The following GTPBP10 variants were observed in gnomAD, a reference collection of about 807,000 sequenced individuals.
The protein encoded by GTPBP10 is GTP-binding protein 10.
GTPBP10 carries 38 observed loss-of-function variants against 44.8 expected under a neutral mutation model. The ratio of observed to expected loss-of-function variants is 0.85; its 90% CI spans 0.65 to 1.11. The LOEUF (loss-of-function observed/expected upper bound fraction) is 1.11, where lower values mean the gene tolerates loss of function less well. Ranked by LOEUF, GTPBP10 falls within the 50% of genes most tolerant of loss-of-function variation. The probability of loss-of-function intolerance (pLI) is 0.00; values close to 1 mark genes in which losing one functional copy is unlikely to be tolerated. For missense variants in GTPBP10, 462 were observed against 453.7 expected (o/e 1.02, Z -0.17); for synonymous variants, 152 against 150.6 (o/e 1.01, Z -0.07).
At chr7:90,347,582 T>C (rs1197075346) in intron 1 of GTPBP10, 6 of 494,406 alleles carry the variant, frequency 1.2e-5, no homozygotes, top group Non-Finnish European at 2.6e-6. Flanking sequence ...AAATTACTCC[T>C]TAAGTTATTT....
In GTPBP10 at chr7:90,386,802, G is replaced by A. The variant is rs896047395; in HGVS notation, c.*1648G>A. 1 of 152,136 alleles carries A rather than the reference G, an allele frequency of 6.6e-6. No individual in the cohort carries two copies. The highest frequency in any genetic ancestry group is 2.4e-5 in the African/African-American group (1 of 41,436). The allele number at this position is 152,136 out of a possible 1,614,324, so 9.4% of individuals were successfully genotyped here. ...AACTGGACATTTTCCCTTTAAATGAGTTTTATTATAAAATGTACATATTGA... is the reference window on the plus strand; with the variant it reads ...AACTGGACATTTTCCCTTTAAATGAATTTTATTATAAAATGTACATATTGA... On this transcript the variant is annotated 3_prime_UTR_variant, in exon 10 of 10. Coordinates refer to ENST00000222511, the MANE Select transcript of GTPBP10 (RefSeq NM_033107.4).
At chr7:90,349,558 T>A (rs963847339) in intron 1 of GTPBP10, among the ~76,000 whole-genome samples, 1 of 152,298 alleles carries the variant, frequency 6.6e-6, no homozygotes, top group East Asian at 1.9e-4. Context: ...GGCCTTCTTA[T>A]CCAACAAAGA....
intron 4 of GTPBP10, among the ~76,000 whole-genome samples, chr7:90,365,334 T>C (rs1170490377): frequency 6.6e-6 from 1 of 151,608 alleles, no homozygotes; most frequent in Non-Finnish European, 1.5e-5. Context: ...GCTTATCAGC[T>C]TAAGGAGATT....
At position 90,384,986 on chromosome 7, in the gene GTPBP10, C is replaced by A; in HGVS notation, c.996C>A (p.Ile332=). Residue 332 remains isoleucine (I), a synonymous_variant, in exon 10 of 10, where the codon ATC becomes ATA. Transcript: ENST00000222511. ...TATCTGCAGTTACTGGAGAAGGAATCGAAGAATTAAAGAATTGTATAAGAA... is the reference window on the plus strand; with the variant it reads ...TATCTGCAGTTACTGGAGAAGGAATAGAAGAATTAAAGAATTGTATAAGAA... The part of the protein sequence containing the change: ...IPISAVTGEG[I]EELKNCIRKS... 3.1e-6 allele frequency: 5 copies of A among 1,613,538 alleles called. No homozygotes were observed. Among genetic ancestry groups the A allele is most frequent in the Non-Finnish European group, 4.2e-6 (5 of 1,179,686 alleles).
At chr7:90,370,495 C>T (rs565871133) in intron 4 of GTPBP10, among the ~76,000 whole-genome samples, 1 of 152,068 alleles carries the variant, frequency 6.6e-6, no homozygotes, top group South Asian at 2.1e-4. Context: ...CTAAGCTGTG[C>T]GTACACAGAG....
intron 1 of GTPBP10, among the ~76,000 whole-genome samples, chr7:90,352,035 G>A (rs1795800369): frequency 1.3e-5 from 2 of 152,112 alleles, no homozygotes; most frequent in African/African-American, 4.8e-5. Flanking sequence ...GAGTAAAGGA[G>A]AAACATGATT....
intron 2 of GTPBP10, among the ~76,000 whole-genome samples, chr7:90,353,894 A>G (rs1795843510): frequency 6.6e-6 from 1 of 150,766 alleles, no homozygotes; most frequent in South Asian, 2.1e-4. Context: ...GGGCACTATC[A>G]TAGCTCACTG....
intron 4 of GTPBP10, among the ~76,000 whole-genome samples, chr7:90,366,911 C>A (rs1479840763): frequency 1.3e-5 from 2 of 152,084 alleles, no homozygotes; most frequent in Non-Finnish European, 2.9e-5. Context: ...CCTGCTTTCT[C>A]TTGTGGGCAT....
chr7:90,359,098 A>G (rs974507265), intron 4 of GTPBP10, among the ~76,000 whole-genome samples: 3 of 152,152 alleles, frequency 2.0e-5, no homozygotes, highest in East Asian at 1.9e-4. Context: ...ATACGTGCTG[A>G]CATAGATGTG....
intron 1 of GTPBP10, among the ~76,000 whole-genome samples, chr7:90,352,242 T>TCAATGA (rs1795804316): frequency 6.6e-6 from 1 of 152,186 alleles, no homozygotes; most frequent in Non-Finnish European, 1.5e-5. Flanking sequence ...TCAATGAATA[T>TCAATGA]GTAAACCATG....
At chr7:90,383,248 A>G (rs1026210713) in intron 9 of GTPBP10, among the ~76,000 whole-genome samples, 169 bp downstream of exon 9, 2 of 152,234 alleles carry the variant, frequency 1.3e-5, no homozygotes, top group African/African-American at 2.4e-5. Flanking sequence ...ACCAAATTCT[A>G]GAATGTTTGA....
At chr7:90,371,225 G>C (rs1796251851) in intron 4 of GTPBP10, 2 of 959,972 alleles carry the variant, frequency 2.1e-6, no homozygotes, top group South Asian at 4.8e-5. Flanking sequence ...CTGTCTACCT[G>C]TATACACATT....
intron 4 of GTPBP10, among the ~76,000 whole-genome samples, chr7:90,365,368 C>CTTTTTTTTTTTTTTTTT (rs59645149): frequency 1.1e-5 from 1 of 90,364 alleles, no homozygotes; most frequent in Non-Finnish European, 2.0e-5. Context: ...TTGGGGTTTT[C>CTTTTTTTTTTTTTTTTT]TTTTTTTTTT....
intron 4 of GTPBP10, among the ~76,000 whole-genome samples, chr7:90,369,566 A>C (rs1030652420): frequency 6.6e-6 from 1 of 152,200 alleles, no homozygotes; most frequent in Non-Finnish European, 1.5e-5. Flanking sequence ...ATGGCAGGTC[A>C]ATCTCAGACT....
chr7:90,373,435 A>G (rs1796295364), intron 5 of GTPBP10, among the ~76,000 whole-genome samples: 1 of 152,226 alleles, frequency 6.6e-6, no homozygotes, highest in South Asian at 2.1e-4. Context: ...CTCTGCCATC[A>G]TTAAAAGGAC....
chr7:90,376,190 G>A (rs1331099436), intron 6 of GTPBP10, among the ~76,000 whole-genome samples: 1 of 151,886 alleles, frequency 6.6e-6, no homozygotes, highest in African/African-American at 2.4e-5. Flanking sequence ...AGCCAAGATT[G>A]CCCCACTCCA....
At chr7:90,349,318 C>T (rs1347544481) in intron 1 of GTPBP10, among the ~76,000 whole-genome samples, 2 of 152,088 alleles carry the variant, frequency 1.3e-5, no homozygotes, top group Admixed American at 6.6e-5. Flanking sequence ...CTTAAAGGTC[C>T]TTGCGACCCC....
chr7:90,368,763 T>C (rs988210932), intron 4 of GTPBP10, among the ~76,000 whole-genome samples: 5 of 152,212 alleles, frequency 3.3e-5, no homozygotes, highest in African/African-American at 1.2e-4. Flanking sequence ...GTGAAGTTTT[T>C]TATTACCAAC....
chr7:90,370,031 A>C (rs1796227670), intron 4 of GTPBP10, among the ~76,000 whole-genome samples: 2 of 152,206 alleles, frequency 1.3e-5, no homozygotes, highest in Non-Finnish European at 2.9e-5. Context: ...GAGGGCAGTG[A>C]GGGATGCAAA....
Sources: allele counts gnomAD v4.1 joint callset (sites outside exome capture counted in the v4.1 genomes callset), GRCh38; gene constraint gnomAD v4.1.1; transcripts MANE v1.5; gene names NCBI Gene and HGNC (gene_info 2026-07-23, HGNC 2026-07-21).